The following TMCO4 variants were observed in gnomAD, a reference collection of about 807,000 sequenced individuals.
TMCO4 encodes the protein transmembrane and coiled-coil domain-containing protein 4.
A neutral mutation model predicts 64.7 loss-of-function variants in TMCO4; 58 were observed. The ratio of observed to expected loss-of-function variants is 0.90; its 90% CI spans 0.73 to 1.12. TMCO4 has a LOEUF of 1.12. TMCO4 is among the 50% of genes most tolerant of loss of function. The pLI is 0.00. For missense variants in TMCO4, 780 were observed against 825.9 expected (o/e 0.94, Z 0.68); for synonymous variants, 325 against 346.1 (o/e 0.94, Z 0.68).
intron 13 of TMCO4, among the ~76,000 whole-genome samples, chr1:19,731,165 A>G (rs2095428267): frequency 6.6e-6 from 1 of 152,078 alleles, no homozygotes. Flanking sequence ...ATGGTTGAGG[A>G]AGAGGGTAGG....
intron 2 of TMCO4, among the ~76,000 whole-genome samples, chr1:19,794,852 A>G (rs1297667642): frequency 1.3e-5 from 2 of 152,256 alleles, no homozygotes; most frequent in African/African-American, 4.8e-5. Context: ...TACAACACGA[A>G]TGAACCTTGA....
rs112940398 is a variant in TMCO4, at chr1:19,768,736, T to C, written c.382+1806A>G. ...ATACACTAGGCCCAAACACACTCTT[T>C]GGAGCCTTAGAGCAGCGCTCCTCTA... On this transcript the variant is annotated intron_variant, in intron 6 of 15. Coordinates refer to ENST00000294543, the MANE Select transcript of TMCO4 (RefSeq NM_181719.7). Among the ~76,000 whole-genome samples the C allele has an allele frequency of 3.2e-3, 484 of 152,288 alleles. 4 individuals carry two copies. Among genetic ancestry groups the C allele is most frequent in the Non-Finnish European group, 4.7e-3 (318 of 68,020 alleles).
chr1:19,740,627 A>G, intron 11 of TMCO4, 150 bp downstream of exon 11: 1 of 848,504 alleles, frequency 1.2e-6, no homozygotes. Flanking sequence ...AACTTCCCCC[A>G]GACAGGAATG....
Position 19,732,792 on chromosome 1 carries a change from GGGAA to G in TMCO4, c.1264+4576_1264+4579del, listed in dbSNP as rs2095435657. ...TCTTTTTTCTGAAGGTGACTACAGG[GGGAA>G]AATGCCAGCTGCACTTTTGTCCACC... On this transcript the variant is annotated intron_variant, in intron 13 of 15. Coordinates refer to ENST00000294543, the MANE Select transcript of TMCO4 (RefSeq NM_181719.7). The surrounding 1 kb of genome is among the most constrained non-coding windows in gnomAD (Gnocchi z 4.8). 6.6e-6 allele frequency among the ~76,000 whole-genome samples: 1 copy of G among 152,144 alleles called. No individual in the cohort carries two copies. The highest frequency in any genetic ancestry group is 1.5e-5 in the Non-Finnish European group (1 of 68,028).
intron 13 of TMCO4, among the ~76,000 whole-genome samples, chr1:19,709,810 C>G (rs1267098029): frequency 6.9e-6 from 1 of 144,070 alleles, no homozygotes; most frequent in African/African-American, 2.6e-5. Flanking sequence ...TTTTTTTAGA[C>G]AGAATCTCGC....
At chr1:19,687,704 T>A (rs16822729) in intron 15 of TMCO4, among the ~76,000 whole-genome samples, 18,631 of 152,202 alleles carry the variant, frequency 0.12, 1,314 homozygotes, top group East Asian at 0.22. Flanking sequence ...ACTGCCTCCC[T>A]ATACCTTTTT....
At chr1:19,733,756 G>A (rs541677369) in intron 13 of TMCO4, among the ~76,000 whole-genome samples, 34 of 152,268 alleles carry the variant, frequency 2.2e-4, no homozygotes, top group African/African-American at 7.9e-4. Flanking sequence ...ACAGGCCAGC[G>A]CTGGGAAAGA....
intron 13 of TMCO4, among the ~76,000 whole-genome samples, chr1:19,717,898 C>T (rs1177542438): frequency 2.0e-5 from 3 of 152,098 alleles, no homozygotes; most frequent in African/African-American, 4.8e-5. Context: ...GCAAGCTTGT[C>T]GGAAAAGGCA....
intron 3 of TMCO4, among the ~76,000 whole-genome samples, chr1:19,786,125 G>A (rs192596598): frequency 2.3e-4 from 35 of 152,280 alleles, no homozygotes; most frequent in Admixed American, 1.8e-3. Context: ...GAGCATACCT[G>A]TGGTCCCAGC....
chr1:19,795,966 C>T (rs2044287562), intron 2 of TMCO4, among the ~76,000 whole-genome samples: 1 of 152,218 alleles, frequency 6.6e-6, no homozygotes, highest in Non-Finnish European at 1.5e-5. Flanking sequence ...AGCTAAACTG[C>T]ACTCCCCTGC....
At chr1:19,786,628 T>C (rs569450380) in intron 3 of TMCO4, among the ~76,000 whole-genome samples, 1 of 152,336 alleles carries the variant, frequency 6.6e-6, no homozygotes, top group South Asian at 2.1e-4. Context: ...TTCGTCTCAC[T>C]AAGGAATTAG....
At chr1:19,685,551 C>T (rs1297854929) in intron 15 of TMCO4, among the ~76,000 whole-genome samples, 12 of 152,026 alleles carry the variant, frequency 7.9e-5, no homozygotes. Context: ...CGTAGTAGGT[C>T]CTTAATACAT....
chr1:19,746,545 A>G lies in TMCO4; in HGVS notation c.668T>C (p.Ile223Thr). The G allele has an allele frequency of 6.2e-7, 1 of 1,611,746 alleles. No homozygotes were observed. The highest frequency in any genetic ancestry group is 8.5e-7 in the Non-Finnish European group (1 of 1,179,014). ...CAGAGCCGCTGCCCCGGCGCTGCCAATAATCGTCGCTGCTCCAGCGGCAAC... is the reference window on the plus strand; with the variant it reads ...CAGAGCCGCTGCCCCGGCGCTGCCAGTAATCGTCGCTGCTCCAGCGGCAAC... ...PLVAAGAATI[I>T]GSAGAAALGS... Residue 223 changes from isoleucine to threonine, a missense_variant, in exon 9 of 16, where the codon ATT (isoleucine) becomes ACT (threonine). By Grantham distance (89) the Ile-to-Thr change is moderately conservative. Transcript: ENST00000294543.
intron 2 of TMCO4, among the ~76,000 whole-genome samples, chr1:19,794,796 G>A (rs2044224089): frequency 6.6e-6 from 1 of 152,172 alleles, no homozygotes; most frequent in Non-Finnish European, 1.5e-5. Flanking sequence ...TATACACACA[G>A]TGGAACATTA....
chr1:19,683,380 G>A lies in TMCO4; in HGVS notation c.1565C>T (p.Thr522Ile). ...CCCCTTCTCGTCCCAGCCTGGCTTG[G>A]TGCGGATGCCCACGGCCTTCAGGAT... ...DAILKAVGIR[T>I]KPGWDEKGLL... The change falls in exon 16 of 16, where the codon ACC becomes ATC. Residue 522 changes from threonine to isoleucine, a missense_variant. Physicochemically the swap from Thr to Ile is moderately conservative, Grantham distance 89. Transcript: ENST00000294543. 1.2e-6 allele frequency: 2 copies of A among 1,613,848 alleles called. No homozygotes were observed. Among genetic ancestry groups the A allele is most frequent in the South Asian group, 1.1e-5 (1 of 91,078 alleles).
rs145825608 is a variant in TMCO4, at chr1:19,745,531, C to A, written c.877+1G>T. ...CCACTTCTGGTCCTCCTGGTCCTCA[C>A]GGTATTTGCCAGAAGCGAGCCACCC... On this transcript the variant is annotated splice_donor_variant, in intron 10 of 15. Coordinates refer to ENST00000294543, the MANE Select transcript of TMCO4 (RefSeq NM_181719.7). LOFTEE classifies it high-confidence loss of function. 5.0e-6 allele frequency: 8 copies of A among 1,613,974 alleles called. No homozygotes were observed. The African/African-American group carries it at 1.1e-4, about 22-fold the overall frequency.
intron 13 of TMCO4, among the ~76,000 whole-genome samples, chr1:19,723,893 G>C (rs544873419): frequency 1.3e-5 from 2 of 152,144 alleles, no homozygotes; most frequent in African/African-American, 4.8e-5. Flanking sequence ...CCCCAGAGGC[G>C]AGGCTGGAGC....
intron 12 of TMCO4, among the ~76,000 whole-genome samples, 190 bp downstream of exon 12, chr1:19,739,634 A>G (rs754982770): frequency 3.9e-5 from 6 of 152,314 alleles, no homozygotes; most frequent in South Asian, 2.1e-4. Flanking sequence ...TGCAGAGTCT[A>G]TAATTTTTAC....
intron 2 of TMCO4, among the ~76,000 whole-genome samples, chr1:19,794,894 T>G (rs1349240020): frequency 6.6e-6 from 1 of 152,048 alleles, no homozygotes; most frequent in Non-Finnish European, 1.5e-5. Flanking sequence ...CACAAAAAGA[T>G]AAAATGCTGT....
Sources: allele counts gnomAD v4.1 joint callset (sites outside exome capture counted in the v4.1 genomes callset), GRCh38; gene constraint gnomAD v4.1.1; non-coding constraint Gnocchi (gnomAD v3.1); transcripts MANE v1.5; gene names NCBI Gene and HGNC (gene_info 2026-07-23, HGNC 2026-07-21).